The following CCSER1 variants were observed in gnomAD, a reference collection of about 807,000 sequenced individuals.
CCSER1 encodes coiled-coil serine rich protein 1, also known as serine-rich coiled-coil domain-containing protein 1.
In CCSER1, 41 loss-of-function variants were observed where a neutral mutation model predicts 82.0. The ratio of observed to expected loss-of-function variants is 0.50; its 90% CI spans 0.39 to 0.65. The LOEUF (loss-of-function observed/expected upper bound fraction) is 0.65. Among genes scored for constraint, CCSER1 ranks in the 30% least tolerant of loss-of-function variants. The pLI, the probability that CCSER1 is intolerant of heterozygous loss-of-function variation, is 0.00. For missense variants in CCSER1, 1,119 were observed against 1,064.2 expected, an observed-to-expected ratio of 1.05 and a Z score of -0.72; for synonymous variants, 414 against 383.9, an observed-to-expected ratio of 1.08 and a Z score of -0.92.
intron 6 of CCSER1, among the ~76,000 whole-genome samples, chr4:90,664,155 G>A (rs1731308249): frequency 1.3e-5 from 2 of 152,166 alleles, no homozygotes; most frequent in South Asian, 4.1e-4. Flanking sequence ...TTGATGGTAT[G>A]AGTATGATAG....
intron 10 of CCSER1, among the ~76,000 whole-genome samples, chr4:91,587,975 GAA>G (rs1764081712): frequency 1.3e-5 from 2 of 151,194 alleles, no homozygotes; most frequent in African/African-American, 2.4e-5. Context: ...CAGTGAGCAA[GAA>G]GTTAAGATAT....
At chr4:91,589,017 A>G (rs145660958) in intron 10 of CCSER1, among the ~76,000 whole-genome samples, 73 of 151,898 alleles carry the variant, frequency 4.8e-4, no homozygotes, top group Non-Finnish European at 9.4e-4. Flanking sequence ...AATTACTTGT[A>G]TTGTTTGTAC....
chr4:91,256,372 T>C (rs1740684720), intron 10 of CCSER1, among the ~76,000 whole-genome samples: 1 of 152,204 alleles, frequency 6.6e-6, no homozygotes, highest in Non-Finnish European at 1.5e-5. Context: ...ATTCTAGTTT[T>C]GCCCTGGCCT....
intron 5 of CCSER1, among the ~76,000 whole-genome samples, chr4:90,509,869 A>G (rs1771232019): frequency 6.6e-6 from 1 of 152,182 alleles, no homozygotes; most frequent in Non-Finnish European, 1.5e-5. Flanking sequence ...TGGGTTATGA[A>G]TATTAACATA....
intron 7 of CCSER1, among the ~76,000 whole-genome samples, chr4:90,736,445 A>G (rs1697390740): frequency 6.6e-6 from 1 of 151,968 alleles, no homozygotes; most frequent in Non-Finnish European, 1.5e-5. Context: ...TGACCTCTTT[A>G]TCATTATATA....
At chr4:90,755,817 A>G (rs921036821) in intron 7 of CCSER1, among the ~76,000 whole-genome samples, 10 of 152,198 alleles carry the variant, frequency 6.6e-5, no homozygotes, top group African/African-American at 2.2e-4. Context: ...GGAAATATCT[A>G]ATGATCCTTG....
In CCSER1 at chr4:90,559,964, G is replaced by GA. The variant is rs1250873753; in HGVS notation, c.1725-68056dup. Among the ~76,000 whole-genome samples the GA allele has an allele frequency of 3.3e-5, 5 of 150,840 alleles. No homozygotes were observed. In the East Asian group the frequency reaches 9.8e-4, roughly 29 times the overall value. On this transcript the variant is annotated intron_variant, in intron 5 of 10. Transcript: ENST00000509176. ...AAGAACCTTTCTCAAAAAAAAAAAG[G>GA]AAAAACTACAACAACAACAACAAAA...
At chr4:91,445,654 A>G (rs767959640) in intron 10 of CCSER1, among the ~76,000 whole-genome samples, 36 of 151,904 alleles carry the variant, frequency 2.4e-4, no homozygotes, top group African/African-American at 5.6e-4. Context: ...TTATCTCTCT[A>G]TTTATATCCC....
At chr4:90,461,294 C>T (rs1262274094) in intron 4 of CCSER1, among the ~76,000 whole-genome samples, 1 of 117,484 alleles carries the variant, frequency 8.5e-6, no homozygotes, top group Non-Finnish European at 1.7e-5. Flanking sequence ...GTCTCGATCT[C>T]CTGACCTCGT....
chr4:90,183,649 A>G (rs1354279443), intron 1 of CCSER1, among the ~76,000 whole-genome samples: 2 of 152,186 alleles, frequency 1.3e-5, no homozygotes, highest in African/African-American at 4.8e-5. Flanking sequence ...TCACTCAGCT[A>G]TAGTCTGACT....
intron 3 of CCSER1, among the ~76,000 whole-genome samples, chr4:90,356,865 A>G (rs933773401): frequency 6.6e-6 from 1 of 151,890 alleles, no homozygotes; most frequent in African/African-American, 2.4e-5. Context: ...ATAACTTACT[A>G]AGATTCTCTG....
rs1255362371 is a variant in CCSER1 at position 91,436,057 on chromosome 4, G to A, written c.2218-162515G>A. Reference sequence around the variant, plus strand: ...CTGCAATCAATTTTCATCATTGAAGGTAGATTAATTATATCACTGTAGTTA... The same window carrying A: ...CTGCAATCAATTTTCATCATTGAAGATAGATTAATTATATCACTGTAGTTA... On this transcript the variant is annotated intron_variant, in intron 10 of 10. Transcript: ENST00000509176. Among the ~76,000 whole-genome samples, 3 of 152,178 alleles carry A rather than the reference G, an allele frequency of 2.0e-5. No individual in the cohort carries two copies. The East Asian group carries it at 5.8e-4, about 29-fold the overall frequency.
chr4:90,808,260 A>C (rs1757783941), intron 7 of CCSER1, among the ~76,000 whole-genome samples: 1 of 152,192 alleles, frequency 6.6e-6, no homozygotes, highest in Non-Finnish European at 1.5e-5. Flanking sequence ...TTAAAGACTT[A>C]AATCTAAGCC....
intron 3 of CCSER1, among the ~76,000 whole-genome samples, chr4:90,396,250 A>G (rs2153541924): frequency 6.6e-6 from 1 of 152,284 alleles, no homozygotes. Flanking sequence ...GAAATGCATA[A>G]TTGCACCCTC....
chr4:91,175,507 T>C (rs1733237980), intron 10 of CCSER1, among the ~76,000 whole-genome samples: 1 of 152,198 alleles, frequency 6.6e-6, no homozygotes, highest in African/African-American at 2.4e-5. Context: ...TTTTTAATGA[T>C]CACCATTCTA....
At chr4:91,531,432 G>A (rs1282849708) in intron 10 of CCSER1, among the ~76,000 whole-genome samples, 1 of 151,990 alleles carries the variant, frequency 6.6e-6, no homozygotes, top group Non-Finnish European at 1.5e-5. Flanking sequence ...ATTTGTCTTT[G>A]GAGTTTAAAG....
chr4:91,184,184 A>T (rs1222183837), intron 10 of CCSER1, among the ~76,000 whole-genome samples: 3 of 152,350 alleles, frequency 2.0e-5, no homozygotes, highest in Middle Eastern at 3.4e-3. Flanking sequence ...ATAATGTAAC[A>T]CTGTGAAAAT....
intron 10 of CCSER1, among the ~76,000 whole-genome samples, chr4:91,224,980 C>G (rs548363162): frequency 6.6e-6 from 1 of 151,178 alleles, no homozygotes; most frequent in African/African-American, 2.4e-5. Context: ...TCCAATTTAA[C>G]AAGATGCTAC....
chr4:90,833,873 T>G (rs142660304), intron 8 of CCSER1, among the ~76,000 whole-genome samples: 2,762 of 152,254 alleles, frequency 0.018, 42 homozygotes, highest in Non-Finnish European at 0.028. Flanking sequence ...GGGAATGGGT[T>G]ATTCAATTGG....
Sources: gnomAD v4.1 joint callset for allele counts (sites outside exome capture counted in the v4.1 genomes callset) on GRCh38, gnomAD v4.1.1 for gene constraint, MANE v1.5 for transcripts, NCBI Gene and HGNC (gene_info 2026-07-23, HGNC 2026-07-21) for gene names.